MAGI1: variants seen among roughly 807,000 people sequenced by gnomAD.
MAGI1 encodes membrane-associated guanylate kinase, WW and PDZ domain-containing protein 1.
MAGI1 carries 58 observed loss-of-function variants against 139.9 expected under a neutral mutation model. The ratio of observed to expected loss-of-function variants is 0.41; its 90% CI spans 0.34 to 0.52. The LOEUF is 0.52. Ranked by LOEUF, MAGI1 falls within the 20% of genes least tolerant of loss-of-function variation. The pLI is 0.12. For synonymous variants in MAGI1, 812 were observed against 737.9 expected (o/e 1.10, Z -1.63); for missense variants, 1,874 against 1,901.6 (o/e 0.99, Z 0.27).
At chr3:65,979,088 TCC>T (rs200894076) in intron 1 of MAGI1, among the ~76,000 whole-genome samples, 2 of 52,988 alleles carry the variant, frequency 3.8e-5, no homozygotes, top group East Asian at 6.7e-4. Context: ...TTTCTTTTCT[TCC>T]CCCCCCCCGC....
chr3:65,493,399 C>T, intron 3 of MAGI1, 113 bp downstream of exon 3: 1 of 1,235,612 alleles, frequency 8.1e-7, no homozygotes, highest in Non-Finnish European at 1.2e-6. Context: ...ACTGAAATCT[C>T]CTGTTATTTG....
intron 1 of MAGI1, among the ~76,000 whole-genome samples, chr3:65,640,908 G>A (rs1288741040): frequency 1.3e-5 from 2 of 152,058 alleles, no homozygotes; most frequent in Non-Finnish European, 2.9e-5. Flanking sequence ...AACTGAAATA[G>A]GTCCACACTT....
At chr3:65,468,316 T>A (rs1182777172) in intron 5 of MAGI1, among the ~76,000 whole-genome samples, 2 of 151,162 alleles carry the variant, frequency 1.3e-5, no homozygotes, top group African/African-American at 4.9e-5. Context: ...ACAGAAGCTC[T>A]ATTTCACTTA....
rs565669009 is a variant in MAGI1 at position 65,880,971 on chromosome 3, T to G, written c.313+157025A>C. ...TCTCCCTCTGTCACCCAGGCTGGAG[T>G]GCAGTGGCATGCTGCCACCTCTGCC... On this transcript the variant is annotated intron_variant, in intron 1 of 22. Transcript: ENST00000402939. Among the ~76,000 whole-genome samples, 10 of 139,010 alleles carry G rather than the reference T, an allele frequency of 7.2e-5. No homozygotes were observed. The East Asian group carries it at 1.9e-3, about 26-fold the overall frequency. 91.2% of individuals were successfully genotyped at this position (139,010 alleles called of 152,430 possible).
At chr3:65,619,498 A>G (rs76771086) in intron 2 of MAGI1, among the ~76,000 whole-genome samples, 4,740 of 152,282 alleles carry the variant, frequency 0.031, 246 homozygotes, top group African/African-American at 0.11. Flanking sequence ...ACCTCTGTTC[A>G]AAATACCGAA....
intron 2 of MAGI1, among the ~76,000 whole-genome samples, chr3:65,608,879 T>C (rs1202104934): frequency 1.3e-5 from 2 of 152,210 alleles, no homozygotes; most frequent in African/African-American, 2.4e-5. Context: ...GATCATGGTA[T>C]ATTCATACAA....
At chr3:65,986,050 G>A (rs1473527276) in intron 1 of MAGI1, among the ~76,000 whole-genome samples, 1 of 152,174 alleles carries the variant, frequency 6.6e-6, no homozygotes, top group East Asian at 1.9e-4. Context: ...GGGTAAAAGG[G>A]TATAGGATAG....
intron 2 of MAGI1, among the ~76,000 whole-genome samples, chr3:65,547,513 A>G (rs537589134): frequency 1.3e-5 from 2 of 152,294 alleles, no homozygotes; most frequent in African/African-American, 4.8e-5. Flanking sequence ...ACATCTGGGT[A>G]TTCTTTTTTG....
At chr3:65,809,786 T>C (rs568126746) in intron 1 of MAGI1, among the ~76,000 whole-genome samples, 1 of 152,282 alleles carries the variant, frequency 6.6e-6, no homozygotes, top group South Asian at 2.1e-4. Flanking sequence ...GACATTCCAT[T>C]CCGTTTTGTC....
chr3:65,646,445 C>T (rs1309627050), intron 1 of MAGI1, among the ~76,000 whole-genome samples: 2 of 152,030 alleles, frequency 1.3e-5, no homozygotes, highest in Non-Finnish European at 2.9e-5. Flanking sequence ...AATCAACAAT[C>T]GTTGTTAGAG....
Position 65,621,874 on chromosome 3 carries a change from T to C in MAGI1, c.430+98A>G, listed in dbSNP as rs931484508. The C allele has an allele frequency of 1.0e-4, 83 of 806,126 alleles. No individual in the cohort carries two copies. The East Asian group carries it at 2.1e-3, about 20-fold the overall frequency. 49.9% of individuals were successfully genotyped at this position (806,126 alleles called of 1,614,324 possible). On this transcript the variant is annotated intron_variant, in intron 2 of 22. Transcript: ENST00000402939. ...CACTCAGTAGGCCAACCACCAGGTGTTCCAGAACCAGTTGTTGAGATCTCC... is the reference window on the plus strand; with the variant it reads ...CACTCAGTAGGCCAACCACCAGGTGCTCCAGAACCAGTTGTTGAGATCTCC...
At chr3:65,925,534 C>T (rs1163295167) in intron 1 of MAGI1, among the ~76,000 whole-genome samples, 1 of 152,334 alleles carries the variant, frequency 6.6e-6, no homozygotes, top group Middle Eastern at 3.4e-3. Flanking sequence ...TCACACAATA[C>T]TGGTTATTCC....
chr3:65,585,179 C>A (rs1347844254), intron 2 of MAGI1, among the ~76,000 whole-genome samples: 1 of 152,134 alleles, frequency 6.6e-6, no homozygotes, highest in Non-Finnish European at 1.5e-5. Context: ...AAGGACAGAG[C>A]CAAGATATAA....
chr3:65,604,733 A>T (rs961472236), intron 2 of MAGI1, among the ~76,000 whole-genome samples: 2 of 142,958 alleles, frequency 1.4e-5, no homozygotes, highest in African/African-American at 2.5e-5. Context: ...CTGCTTATTT[A>T]AAAAAAAAAA....
At chr3:65,852,979 C>CAAAAAAAAA (rs57460083) in intron 1 of MAGI1, among the ~76,000 whole-genome samples, 12 of 104,164 alleles carry the variant, frequency 1.2e-4, no homozygotes, top group East Asian at 2.9e-4. Flanking sequence ...ACTAAAAATA[C>CAAAAAAAAA]AAAAAAAAAA....
rs1940182513 is a variant in MAGI1 at position 65,356,132 on chromosome 3, C to G, written c.*246G>C. 1 of 350,936 alleles carries G rather than the reference C, an allele frequency of 2.8e-6. No homozygotes were observed. Among genetic ancestry groups the G allele is most frequent in the African/African-American group, 2.1e-5 (1 of 47,250 alleles). The allele number at this position is 350,936 out of a possible 1,614,324, so 21.7% of individuals were successfully genotyped here. A position where few individuals can be genotyped will look rare whatever the true frequency, so the allele number is the denominator to read the frequency against. On this transcript the variant is annotated 3_prime_UTR_variant, in exon 23 of 23. Transcript: ENST00000402939. Reference sequence around the variant, plus strand: ...CAAAATTTATATCCCTTTGGGCCAGCATTTGGCAAATAATTTCCAAAAAAG... The same window carrying G: ...CAAAATTTATATCCCTTTGGGCCAGGATTTGGCAAATAATTTCCAAAAAAG...
intron 2 of MAGI1, among the ~76,000 whole-genome samples, chr3:65,620,978 A>C (rs7633595): frequency 6.6e-6 from 1 of 152,006 alleles, no homozygotes; most frequent in Non-Finnish European, 1.5e-5. Flanking sequence ...GCTAATGTTT[A>C]TCAGAAAACA....
chr3:65,642,982 C>G (rs1028567168), intron 1 of MAGI1, among the ~76,000 whole-genome samples: 12 of 152,202 alleles, frequency 7.9e-5, no homozygotes, highest in African/African-American at 2.9e-4. Flanking sequence ...CAAGCCCTAA[C>G]ATAATATGCC....
intron 1 of MAGI1, among the ~76,000 whole-genome samples, chr3:65,888,468 G>T (rs1347881465): frequency 6.6e-6 from 1 of 152,132 alleles, no homozygotes. Context: ...GCTACGTTAA[G>T]AAGAAAAACA....
Sources: gnomAD v4.1 joint callset for allele counts (sites outside exome capture counted in the v4.1 genomes callset) on GRCh38, gnomAD v4.1.1 for gene constraint, MANE v1.5 for transcripts, NCBI Gene and HGNC (gene_info 2026-07-23, HGNC 2026-07-21) for gene names.